Variants in CELF2 observed in about 807,000 individuals in gnomAD.
CELF2 encodes the protein CUG triplet repeat RNA-binding protein 2.
In CELF2, 8 loss-of-function variants were observed where a neutral mutation model predicts 62.6. The ratio of observed to expected loss-of-function variants is 0.13; its 90% CI spans 0.07 to 0.23. The LOEUF (loss-of-function observed/expected upper bound fraction) is 0.23. CELF2 is among the 10% of genes least tolerant of loss of function. The pLI is 1.00. For missense variants in CELF2, 333 were observed against 671.0 expected (o/e 0.50, Z 5.56); for synonymous variants, 258 against 250.0 (o/e 1.03, Z -0.30).
chr10:10,599,013 A>G, the CELF2 span, among the ~76,000 whole-genome samples: 1 of 151,644 alleles, frequency 6.6e-6, no homozygotes, highest in African/African-American at 2.4e-5. Context: ...CGGCCTCCCA[A>G]AATGCTGGGA....
rs553637390 is a variant in CELF2 at position 11,319,207 on chromosome 10, C to G, written c.1097-1982C>G. 1.2e-4 allele frequency: 50 copies of G among 418,442 alleles called. No individual in the cohort carries two copies. Among genetic ancestry groups the G allele is most frequent in the African/African-American group, 9.5e-4 (46 of 48,376 alleles). The allele number at this position is 418,442 out of a possible 1,614,324, so 25.9% of individuals were successfully genotyped here. A position where few individuals can be genotyped will look rare whatever the true frequency, so the allele number is the denominator to read the frequency against. ...ATCTGTAATCCACAGCACCCGTTAA[C>G]AGCCTGGCCAAAGTGAGACCAACAG... is the stretch of plus-strand genomic sequence containing the variant. On this transcript the variant is annotated intron_variant, in intron 10 of 12. Coordinates refer to ENST00000633077, the MANE Select transcript of CELF2 (RefSeq NM_001326342.2). The surrounding 1 kb of genome is among the most constrained non-coding windows in gnomAD (Gnocchi z 4.4).
chr10:11,093,748 A>G (rs906732089), intron 1 of CELF2, among the ~76,000 whole-genome samples: 3 of 152,146 alleles, frequency 2.0e-5, no homozygotes, highest in Non-Finnish European at 2.9e-5. Context: ...TTCCGTTAAC[A>G]TGGTCCAAAT....
At chr10:10,798,660 G>A (rs2054318016) in exon 1 of CELF2, 1 of 398,386 alleles carries the variant, frequency 2.5e-6, no homozygotes, top group East Asian at 3.6e-5. Flanking sequence ...GGAGGGAGCC[G>A]CGGGGCGCCA....
chr10:10,777,365 T>C, the CELF2 span, among the ~76,000 whole-genome samples: 1 of 152,172 alleles, frequency 6.6e-6, no homozygotes. Flanking sequence ...ATAATCATCT[T>C]GTCAAGGCAG....
chr10:11,217,504 T>G lies in CELF2; in HGVS notation c.351T>G (p.Pro117=). 5 of 1,605,052 alleles carry G rather than the reference T, an allele frequency of 3.1e-6. No individual in the cohort carries two copies. The highest frequency in any genetic ancestry group is 4.3e-6 in the Non-Finnish European group (5 of 1,173,000). Residue 117 remains proline (P), a synonymous_variant, in exon 3 of 13, where the codon CCT becomes CCG. Transcript: ENST00000633077. This position sits in a 1 kb window ranked among gnomAD's most constrained non-coding sequence, Gnocchi z 5.6. ...QNALHNIKTL[P]GMHHPIQMKP... ...CACTGCACAATATTAAAACTTTACC[T>G]GGGGTGAGTCGGTTTACTTTTGTAC...
chr10:10,499,813 G>T, the CELF2 span, among the ~76,000 whole-genome samples: 5 of 152,204 alleles, frequency 3.3e-5, no homozygotes, highest in Admixed American at 6.5e-5. Context: ...GGGAGATGGA[G>T]GTTGCAGTGA....
the CELF2 span, among the ~76,000 whole-genome samples, chr10:10,524,152 A>G: frequency 2.0e-5 from 3 of 152,144 alleles, no homozygotes; most frequent in African/African-American, 7.2e-5. Context: ...ATAATAAGAA[A>G]TGGGGGAAGA....
the CELF2 span, among the ~76,000 whole-genome samples, chr10:10,615,112 A>T: frequency 2.0e-5 from 3 of 152,120 alleles, no homozygotes; most frequent in African/African-American, 7.3e-5. Context: ...CCTGATACAT[A>T]ACTGAGCAAC....
At chr10:10,707,372 A>C in the CELF2 span, among the ~76,000 whole-genome samples, 1 of 152,164 alleles carries the variant, frequency 6.6e-6, no homozygotes, top group Non-Finnish European at 1.5e-5. Context: ...AGGGTAAAAT[A>C]TTTGTATTTT....
chr10:11,328,876 T>C lies in CELF2; in HGVS notation c.1439-50T>C, dbSNP rs2095899919. The C allele has an allele frequency of 1.9e-6, 3 of 1,576,304 alleles. No homozygotes were observed. Among genetic ancestry groups the C allele is most frequent in the Non-Finnish European group, 2.6e-6 (3 of 1,157,700 alleles). On this transcript the variant is annotated intron_variant, in intron 12 of 12. Coordinates refer to ENST00000633077, the MANE Select transcript of CELF2 (RefSeq NM_001326342.2). The surrounding 1 kb of genome is among the most constrained non-coding windows in gnomAD (Gnocchi z 6.4). Reference sequence around the variant, plus strand: ...CAGAGCTCCAGCCCCCTTTTCTGTTTTCTGCTGGGCTTCCTCTCCAGGCTG... The same window carrying C: ...CAGAGCTCCAGCCCCCTTTTCTGTTCTCTGCTGGGCTTCCTCTCCAGGCTG...
intron 1 of CELF2, among the ~76,000 whole-genome samples, chr10:11,067,112 G>A (rs769829700): frequency 2.6e-5 from 4 of 152,048 alleles, no homozygotes; most frequent in Non-Finnish European, 4.4e-5. Context: ...GTCTTTTAGC[G>A]ACATCATCTC....
the CELF2 span, among the ~76,000 whole-genome samples, chr10:10,533,834 G>A: frequency 6.6e-6 from 1 of 152,318 alleles, no homozygotes; most frequent in East Asian, 1.9e-4. Flanking sequence ...TGGAGTCCAG[G>A]AGAGAGCTGA....
intron 8 of CELF2, among the ~76,000 whole-genome samples, chr10:11,287,032 A>G (rs1326896764): frequency 6.6e-6 from 1 of 152,228 alleles, no homozygotes; most frequent in Admixed American, 6.5e-5. Flanking sequence ...CTCAGCAGCC[A>G]GGCACTGAGC....
the CELF2 span, among the ~76,000 whole-genome samples, chr10:10,519,999 G>A: frequency 6.6e-6 from 1 of 152,144 alleles, no homozygotes; most frequent in Admixed American, 6.5e-5. Flanking sequence ...CTTATTGCCA[G>A]CCAGGGAAAT....
chr10:10,670,590 T>C, the CELF2 span, among the ~76,000 whole-genome samples: 1 of 152,172 alleles, frequency 6.6e-6, no homozygotes, highest in Non-Finnish European at 1.5e-5. Context: ...GAACCTAGAT[T>C]GACACATCAT....
At position 11,008,695 on chromosome 10, in the gene CELF2, T is replaced by C. The variant is rs1277274805; in HGVS notation, c.53+3255T>C. On this transcript the variant is annotated intron_variant, in intron 1 of 12. Transcript: ENST00000416382. This position sits in a 1 kb window ranked among gnomAD's most constrained non-coding sequence, Gnocchi z 4.5. ...AAGTAAAATGCACAAGGAAGAGTGT[T>C]ACGTGGGGACGATCATTCTGTATTT... is the stretch of plus-strand genomic sequence containing the variant. 1.3e-5 allele frequency among the ~76,000 whole-genome samples: 2 copies of C among 152,124 alleles called. No homozygotes were observed. Among genetic ancestry groups the C allele is most frequent in the Non-Finnish European group, 2.9e-5 (2 of 68,022 alleles).
At chr10:10,912,145 A>T (rs1370535859) in intron 1 of CELF2, among the ~76,000 whole-genome samples, 1 of 152,146 alleles carries the variant, frequency 6.6e-6, no homozygotes, top group African/African-American at 2.4e-5. Context: ...TAAGAAAGGG[A>T]GGTGAGGATG....
At chr10:11,078,461 C>G (rs1241986853) in intron 1 of CELF2, among the ~76,000 whole-genome samples, 1 of 152,076 alleles carries the variant, frequency 6.6e-6, no homozygotes, top group Non-Finnish European at 1.5e-5. Context: ...CGAAATAGTC[C>G]CTAAATGTAT....
intron 8 of CELF2, among the ~76,000 whole-genome samples, chr10:11,278,999 T>C (rs2087224391): frequency 6.6e-6 from 1 of 152,128 alleles, no homozygotes; most frequent in Admixed American, 6.5e-5. Context: ...TGAGGTGTGT[T>C]TCACGGCCCC....
Sources: gnomAD v4.1 joint callset for allele counts (sites outside exome capture counted in the v4.1 genomes callset) on GRCh38, gnomAD v4.1.1 for gene constraint, Gnocchi (gnomAD v3.1) non-coding constraint, MANE v1.5 for transcripts, NCBI Gene and HGNC (gene_info 2026-07-23, HGNC 2026-07-21) for gene names.